The following ERC2 variants were observed in gnomAD, a reference collection of about 807,000 sequenced individuals.
The protein encoded by ERC2 is ERC protein 2.
ERC2 carries 42 observed loss-of-function variants against 114.8 expected under a neutral mutation model. That is an observed-to-expected ratio of 0.37 (90% CI 0.29 to 0.47). The LOEUF (loss-of-function observed/expected upper bound fraction) is 0.47, where lower values mean the gene tolerates loss of function less well. Ranked by LOEUF, ERC2 falls within the 20% of genes least tolerant of loss-of-function variation. The pLI is 0.99. For missense variants in ERC2, 939 were observed against 1,150.7 expected (o/e 0.82, Z 2.66); for synonymous variants, 454 against 425.5 (o/e 1.07, Z -0.82).
chr3:56,003,120 C>T (rs2072205385), intron 10 of ERC2: 1 of 1,288,882 alleles, frequency 7.8e-7, no homozygotes, highest in Non-Finnish European at 1.0e-6. Context: ...TCTGATTGAA[C>T]AACTGCTCAG....
At chr3:56,361,185 T>C (rs1251652993) in intron 2 of ERC2, among the ~76,000 whole-genome samples, 1 of 151,782 alleles carries the variant, frequency 6.6e-6, no homozygotes, top group Admixed American at 6.6e-5. Flanking sequence ...CAAAAAGAGG[T>C]GGGTGAGGCA....
At chr3:55,692,634 C>T (rs1017613808) in intron 16 of ERC2, among the ~76,000 whole-genome samples, 1 of 152,194 alleles carries the variant, frequency 6.6e-6, no homozygotes, top group Non-Finnish European at 1.5e-5. Flanking sequence ...TACCTTATGG[C>T]TCTTTTGCCT....
Position 56,173,430 on chromosome 3 carries a change from A to G in ERC2, c.1149+16T>C. The G allele has an allele frequency of 6.2e-7, 1 of 1,612,170 alleles. No individual in the cohort carries two copies. On this transcript the variant is annotated intron_variant, in intron 4 of 17. Transcript: ENST00000288221. The stretch of plus-strand genomic sequence containing the variant: ...CCAAGGCATAACTGTTTCTGACAAA[A>G]GTGCACAGTTCCTACCTTCATTTCG...
intron 1 of ERC2, among the ~76,000 whole-genome samples, chr3:56,443,958 A>ATTTTTTTTTTTTTTTTTTTT (rs11343406): frequency 1.2e-5 from 1 of 80,238 alleles, no homozygotes; most frequent in Non-Finnish European, 2.2e-5. Flanking sequence ...AATACCTACA[A>ATTTTTTTTTTTTTTTTTTTT]TTTTTTTTTT....
intron 17 of ERC2, chr3:55,646,947 C>A (rs1220074135): frequency 2.0e-5 from 3 of 152,128 alleles, no homozygotes; most frequent in Non-Finnish European, 4.4e-5. Flanking sequence ...AAAAGATATG[C>A]TCCCTTTTTC....
At chr3:55,789,019 A>G (rs938533353) in intron 14 of ERC2, among the ~76,000 whole-genome samples, 1 of 152,160 alleles carries the variant, frequency 6.6e-6, no homozygotes, top group African/African-American at 2.4e-5. Context: ...TTCAGACTTT[A>G]TGGGATCAAA....
chr3:55,546,401 A>C (rs904870440), intron 17 of ERC2, among the ~76,000 whole-genome samples: 1 of 151,440 alleles, frequency 6.6e-6, no homozygotes, highest in Non-Finnish European at 1.5e-5. Flanking sequence ...CTGCACCCCC[A>C]CCCCTTCTCT....
At chr3:55,741,251 A>T (rs1248513178) in intron 14 of ERC2, among the ~76,000 whole-genome samples, 1 of 152,204 alleles carries the variant, frequency 6.6e-6, no homozygotes, top group Non-Finnish European at 1.5e-5. Flanking sequence ...ACCTACCAAG[A>T]AAATCACATT....
chr3:56,416,659 T>A (rs1322222384), intron 2 of ERC2, among the ~76,000 whole-genome samples: 17 of 104,272 alleles, frequency 1.6e-4, no homozygotes, highest in Admixed American at 3.3e-4. Flanking sequence ...AAAACATGAT[T>A]AAAAAAAAAA....
At chr3:55,864,203 A>C (rs2062185481) in intron 14 of ERC2, among the ~76,000 whole-genome samples, 2 of 143,704 alleles carry the variant, frequency 1.4e-5, no homozygotes, top group Non-Finnish European at 3.0e-5. Flanking sequence ...ATACACATAT[A>C]TATACACACA....
Position 55,512,465 on chromosome 3 carries a change from GAGCTGTGCAT to G in ERC2, c.*40-1199_*40-1190del, listed in dbSNP as rs528305268. Among the ~76,000 whole-genome samples the G allele has an allele frequency of 2.6e-4, 39 of 152,306 alleles. 1 individual carries two copies. The South Asian group carries it at 7.9e-3, about 31-fold the overall frequency. The stretch of plus-strand genomic sequence containing the variant: ...AGTCAGAGCACGCTTTCTGTTTCAT[GAGCTGTGCAT>G]AGCTCTAATTCTTTTGTGCATTAAG... On this transcript the variant is annotated intron_variant, in intron 17 of 17. Coordinates refer to ENST00000288221, the MANE Select transcript of ERC2 (RefSeq NM_015576.3).
intron 8 of ERC2, among the ~76,000 whole-genome samples, chr3:56,017,448 C>T (rs1425782674): frequency 6.6e-6 from 1 of 152,134 alleles, no homozygotes; most frequent in Non-Finnish European, 1.5e-5. Context: ...AGGAAACCCT[C>T]AGGATGGCAT....
intron 2 of ERC2, among the ~76,000 whole-genome samples, chr3:56,351,949 T>C (rs776120837): frequency 2.0e-5 from 3 of 152,130 alleles, no homozygotes; most frequent in African/African-American, 4.8e-5. Flanking sequence ...AAGCATGAGA[T>C]ACAGGGAGTA....
chr3:55,950,605 A>C (rs755986185), intron 12 of ERC2, 45 bp from the exon 13 acceptor site: 44 of 1,606,184 alleles, frequency 2.7e-5, no homozygotes, highest in Non-Finnish European at 3.6e-5. Flanking sequence ...CCACTGGAAG[A>C]TCATATGTTA....
chr3:55,930,759 C>A (rs1396120403), intron 13 of ERC2, among the ~76,000 whole-genome samples: 2 of 152,130 alleles, frequency 1.3e-5, no homozygotes, highest in Non-Finnish European at 2.9e-5. Context: ...CAAATGGGAT[C>A]TAATTAAACT....
At chr3:56,110,947 T>TACTCCTAG (rs1039665135) in intron 6 of ERC2, among the ~76,000 whole-genome samples, 12 of 152,300 alleles carry the variant, frequency 7.9e-5, no homozygotes, top group African/African-American at 2.9e-4. Context: ...TCATATGGAA[T>TACTCCTAG]ACTCCTAGTT....
At chr3:56,136,761 G>T (rs894094492) in intron 6 of ERC2, among the ~76,000 whole-genome samples, 6 of 151,978 alleles carry the variant, frequency 3.9e-5, no homozygotes, top group South Asian at 4.2e-4. Context: ...AGAGACAGAC[G>T]TAATTAGATA....
intron 4 of ERC2, among the ~76,000 whole-genome samples, chr3:56,158,430 C>T (rs961322974): frequency 2.0e-5 from 3 of 152,114 alleles, no homozygotes; most frequent in African/African-American, 7.2e-5. Flanking sequence ...TTATTTAGTT[C>T]CTTCTCTCTG....
intron 12 of ERC2, among the ~76,000 whole-genome samples, chr3:55,974,268 C>T (rs1009586049): frequency 1.3e-5 from 2 of 152,148 alleles, no homozygotes; most frequent in Non-Finnish European, 2.9e-5. Flanking sequence ...GATTACTAGC[C>T]GGACAGGGGC....
Sources: gnomAD v4.1 joint callset for allele counts (sites outside exome capture counted in the v4.1 genomes callset) on GRCh38, gnomAD v4.1.1 for gene constraint, MANE v1.5 for transcripts, NCBI Gene and HGNC (gene_info 2026-07-23, HGNC 2026-07-21) for gene names.